Variants in RBFOX1 observed in about 807,000 individuals in gnomAD.
RBFOX1 encodes RNA binding protein fox-1 homolog 1.
A neutral mutation model predicts 57.7 loss-of-function variants in RBFOX1; 8 were observed. The ratio of observed to expected loss-of-function variants is 0.14; its 90% CI spans 0.08 to 0.25. The LOEUF (loss-of-function observed/expected upper bound fraction) is 0.25. Ranked by LOEUF, RBFOX1 falls within the 10% of genes least tolerant of loss-of-function variation. The probability of loss-of-function intolerance (pLI) is 1.00; values close to 1 mark genes in which losing one functional copy is unlikely to be tolerated. For missense variants in RBFOX1, 611 were observed against 548.5 expected (o/e 1.11, Z -1.14); for synonymous variants, 326 against 222.4 (o/e 1.47, Z -4.15).
chr16:5,365,738 G>A (rs1379441935), intron 1 of RBFOX1: 2 of 439,942 alleles, frequency 4.5e-6, no homozygotes, highest in African/African-American at 4.0e-5. Context: ...GTTCTCTTGA[G>A]CAGTGGTCAT....
chr16:5,841,701 C>T (rs1466904353), intron 3 of RBFOX1, among the ~76,000 whole-genome samples: 1 of 152,190 alleles, frequency 6.6e-6, no homozygotes, highest in African/African-American at 2.4e-5. Context: ...TAGCTGGCAT[C>T]CTGACTTCCA....
rs140662557 is a variant in RBFOX1 at position 5,566,639 on chromosome 16, T to G, written c.259-32263T>G. Among the ~76,000 whole-genome samples the G allele has an allele frequency of 4.0e-3, 591 of 146,378 alleles. 7 individuals carry two copies. Among genetic ancestry groups the G allele is most frequent in the African/African-American group, 0.014 (556 of 39,188 alleles). ...GTATATGTATGTATATATGTGTATA[T>G]GTGTGTATATATGTGTATATATGTA... On this transcript the variant is annotated intron_variant, in intron 2 of 2. Coordinates refer to the RBFOX1 transcript ENST00000585867.
intron 1 of RBFOX1, among the ~76,000 whole-genome samples, chr16:5,368,845 T>A (rs957319914): frequency 6.6e-6 from 1 of 152,220 alleles, no homozygotes; most frequent in Admixed American, 6.5e-5. Flanking sequence ...TGGCTGGCTC[T>A]TGTCAAGAGA....
At chr16:6,606,131 T>C (rs1048375308) in intron 2 of RBFOX1, among the ~76,000 whole-genome samples, 26 of 151,960 alleles carry the variant, frequency 1.7e-4, no homozygotes, top group Non-Finnish European at 2.6e-4. Flanking sequence ...AAAAGAAATA[T>C]ACATCTTATA....
At chr16:6,177,356 G>A (rs1216646262) in intron 1 of RBFOX1, among the ~76,000 whole-genome samples, 2 of 151,862 alleles carry the variant, frequency 1.3e-5, no homozygotes, top group Non-Finnish European at 2.9e-5. Flanking sequence ...CTGTAATAAT[G>A]TATCAGTTTA....
intron 2 of RBFOX1, among the ~76,000 whole-genome samples, chr16:6,508,576 C>T (rs967826388): frequency 1.3e-5 from 2 of 152,116 alleles, no homozygotes; most frequent in African/African-American, 4.8e-5. Flanking sequence ...GGTCCCGTAA[C>T]ATCTCGTCTC....
upstream of RBFOX1, among the ~76,000 whole-genome samples, chr16:6,017,703 T>C (rs758500565): frequency 6.6e-6 from 1 of 152,226 alleles, no homozygotes; most frequent in Non-Finnish European, 1.5e-5. Flanking sequence ...AATATAGTTA[T>C]AGGCAGAAGT....
At chr16:5,254,152 C>T (rs143761077) in intron 1 of RBFOX1, among the ~76,000 whole-genome samples, 3 of 152,172 alleles carry the variant, frequency 2.0e-5, no homozygotes, top group Non-Finnish European at 2.9e-5. Flanking sequence ...ATGGCATGCC[C>T]ATTTTACAGA....
chr16:6,737,840 G>A (rs1350313175), intron 3 of RBFOX1, among the ~76,000 whole-genome samples: 1 of 152,126 alleles, frequency 6.6e-6, no homozygotes, highest in African/African-American at 2.4e-5. Flanking sequence ...TTGGGACATT[G>A]CAGACTTTTC....
At chr16:7,292,590 C>T (rs1468188252) in intron 4 of RBFOX1, among the ~76,000 whole-genome samples, 8 of 149,322 alleles carry the variant, frequency 5.4e-5, no homozygotes, top group Admixed American at 2.7e-4. Flanking sequence ...ACGGTGATGA[C>T]GATTAGGGTA....
chr16:5,427,759 C>T (rs758230598), intron 1 of RBFOX1, among the ~76,000 whole-genome samples: 1 of 152,184 alleles, frequency 6.6e-6, no homozygotes, highest in Non-Finnish European at 1.5e-5. Flanking sequence ...CTCATGCCTT[C>T]ACCTGATTGG....
chr16:7,034,827 C>CTTTTTTTTTTTCTTTTTTTTTTT (rs2043824001), intron 3 of RBFOX1, among the ~76,000 whole-genome samples: 1 of 54,114 alleles, frequency 1.8e-5, no homozygotes, highest in African/African-American at 8.9e-5. Flanking sequence ...TATTGCATTA[C>CTTTTTTTTTTTCTTTTTTTTTTT]TTTTTTTTTT....
intron 3 of RBFOX1, among the ~76,000 whole-genome samples, chr16:6,966,037 T>G (rs566963984): frequency 6.6e-6 from 1 of 152,282 alleles, no homozygotes; most frequent in South Asian, 2.1e-4. Context: ...ATACGTTTTC[T>G]TATCTTAGAA....
At position 7,476,571 on chromosome 16, in the gene RBFOX1, C is replaced by T. The variant is rs546983593; in HGVS notation, c.28-41576C>T. ...TTGGTTTTGTCAGCTCTTCTGCAGA[C>T]GTAGGGGGCTAAATGAGTAACATTC... is the stretch of plus-strand genomic sequence containing the variant. On this transcript the variant is annotated intron_variant, in intron 4 of 15. Transcript: ENST00000550418. Among the ~76,000 whole-genome samples, 29 of 152,304 alleles carry T rather than the reference C, an allele frequency of 1.9e-4. 1 individual carries two copies. The East Asian group carries it at 2.7e-3, about 14-fold the overall frequency.
chr16:6,935,236 C>T (rs1198736662), intron 3 of RBFOX1, among the ~76,000 whole-genome samples: 2 of 152,104 alleles, frequency 1.3e-5, no homozygotes, highest in East Asian at 3.9e-4. Flanking sequence ...GGGGAGGCAG[C>T]AGAAGTAATG....
chr16:6,774,905 C>G (rs1040834798), intron 3 of RBFOX1, among the ~76,000 whole-genome samples: 1 of 151,892 alleles, frequency 6.6e-6, no homozygotes, highest in African/African-American at 2.4e-5. Flanking sequence ...AAACTTAACC[C>G]CATTGAGTAG....
chr16:6,287,653 G>A (rs556571401), intron 1 of RBFOX1, among the ~76,000 whole-genome samples: 17 of 152,164 alleles, frequency 1.1e-4, no homozygotes, highest in South Asian at 4.2e-4. Flanking sequence ...CTTGCAGATC[G>A]CCAGCTCAGA....
intron 4 of RBFOX1, among the ~76,000 whole-genome samples, chr16:7,493,462 C>T (rs990735041): frequency 5.3e-5 from 8 of 152,130 alleles, no homozygotes; most frequent in African/African-American, 1.9e-4. Flanking sequence ...AGGACCTATG[C>T]AGACAGATTT....
chr16:7,403,666 C>T lies in RBFOX1; in HGVS notation c.28-114481C>T, dbSNP rs963490785. 6.0e-5 allele frequency among the ~76,000 whole-genome samples: 9 copies of T among 151,240 alleles called. No homozygotes were observed. In the East Asian group the frequency reaches 1.8e-3, roughly 30 times the overall value. On this transcript the variant is annotated intron_variant, in intron 4 of 15. Transcript: ENST00000550418. ...AGTTCAAGTGATTCTCCTGCCTCAGCCTCCTGAATAGCTGGGATTACAGGC... is the reference window on the plus strand; with the variant it reads ...AGTTCAAGTGATTCTCCTGCCTCAGTCTCCTGAATAGCTGGGATTACAGGC...
Sources: gnomAD v4.1 joint callset for allele counts (sites outside exome capture counted in the v4.1 genomes callset) on GRCh38, gnomAD v4.1.1 for gene constraint, MANE v1.5 for transcripts, NCBI Gene and HGNC (gene_info 2026-07-23, HGNC 2026-07-21) for gene names.